The following CD247 variants were observed in gnomAD, a reference collection of about 807,000 sequenced individuals.
CD247 encodes CD247 molecule, also known as T-cell surface glycoprotein CD3 zeta chain.
A neutral mutation model predicts 30.0 loss-of-function variants in CD247; 13 were observed. That is an observed-to-expected ratio of 0.43 (90% confidence interval 0.28 to 0.69). The LOEUF is 0.69. CD247 is among the 30% of genes least tolerant of loss of function. The pLI is 0.16. For synonymous variants in CD247, 72 were observed against 80.0 expected (o/e 0.90, Z 0.53); for missense variants, 193 against 212.6 (o/e 0.91, Z 0.57).
chr1:167,439,294 G>A, intron 3 of CD247, 50 bp downstream of exon 3: 3 of 1,550,650 alleles, frequency 1.9e-6, no homozygotes, highest in East Asian at 4.5e-5. Context: ...CTAGGTCCGA[G>A]GAGGAGGCTG....
At chr1:167,511,039 G>T (rs1408881796) in intron 1 of CD247, among the ~76,000 whole-genome samples, 1 of 152,174 alleles carries the variant, frequency 6.6e-6, no homozygotes, top group African/African-American at 2.4e-5. Context: ...AACAGCACAA[G>T]GATTTGCACT....
At chr1:167,467,183 G>T (rs1045806332) in intron 1 of CD247, among the ~76,000 whole-genome samples, 4 of 152,184 alleles carry the variant, frequency 2.6e-5, no homozygotes, top group Non-Finnish European at 5.9e-5. Context: ...GGCAACGGAA[G>T]ATTTATTACA....
chr1:167,500,553 C>A (rs1393712632), intron 1 of CD247, among the ~76,000 whole-genome samples: 1 of 152,192 alleles, frequency 6.6e-6, no homozygotes, highest in East Asian at 1.9e-4. Flanking sequence ...GCACTGACAT[C>A]AATTCTAACA....
chr1:167,460,817 G>C (rs1400156562), intron 1 of CD247, among the ~76,000 whole-genome samples: 3 of 152,084 alleles, frequency 2.0e-5, no homozygotes, highest in African/African-American at 7.2e-5. Context: ...TCAACTCTCG[G>C]GGAGTTATCT....
chr1:167,430,884 C>T lies in CD247; in HGVS notation c.*797G>A, dbSNP rs951858519. 14 of 398,670 alleles carry T rather than the reference C, an allele frequency of 3.5e-5. No individual in the cohort carries two copies. Among genetic ancestry groups the T allele is most frequent in the African/African-American group, 2.1e-4 (10 of 48,638 alleles). 24.7% of individuals were successfully genotyped at this position (398,670 alleles called of 1,614,324 possible). On this transcript the variant is annotated 3_prime_UTR_variant, in exon 8 of 8. Coordinates refer to ENST00000362089, the MANE Select transcript of CD247 (RefSeq NM_198053.3). The stretch of plus-strand genomic sequence containing the variant: ...CCTTCACAAAGATGATTTTGTCATT[C>T]GCTGAAAGCGTGAAGTGAATCAACG...
Position 167,500,591 on chromosome 1 carries a change from C to G in CD247, c.58+17817G>C, listed in dbSNP as rs555309522. 3.1e-3 allele frequency among the ~76,000 whole-genome samples: 474 copies of G among 152,304 alleles called. 1 individual carries two copies. Among genetic ancestry groups the G allele is most frequent in the Non-Finnish European group, 5.5e-3 (377 of 68,018 alleles). ...CATGGTTTCTTATAATTACCACCCC[C>G]CTACACACACACCCATTTATGCAGG... On this transcript the variant is annotated intron_variant, in intron 1 of 7. Transcript: ENST00000362089.
chr1:167,480,578 A>T lies in CD247; in HGVS notation c.58+37830T>A, dbSNP rs150947730. ...AAACTTCAGGCTGTGGAGCATGTAAACAAGAGTGACTGTGGGATATCCTGC... is the reference window on the plus strand; with the variant it reads ...AAACTTCAGGCTGTGGAGCATGTAATCAAGAGTGACTGTGGGATATCCTGC... On this transcript the variant is annotated intron_variant, in intron 1 of 7. Transcript: ENST00000362089. Among the ~76,000 whole-genome samples, 193 of 152,326 alleles carry T rather than the reference A, an allele frequency of 1.3e-3. 1 individual carries two copies. The highest frequency in any genetic ancestry group is 4.6e-3 in the African/African-American group (190 of 41,572).
At chr1:167,462,216 T>C (rs1468139600) in intron 1 of CD247, among the ~76,000 whole-genome samples, 2 of 152,184 alleles carry the variant, frequency 1.3e-5, no homozygotes, top group Non-Finnish European at 2.9e-5. Context: ...AGATTCTCCT[T>C]TGATATTCTA....
chr1:167,516,800 G>A (rs1373901060), intron 1 of CD247, among the ~76,000 whole-genome samples: 1 of 152,114 alleles, frequency 6.6e-6, no homozygotes, highest in Non-Finnish European at 1.5e-5. Flanking sequence ...AATGAGGCAC[G>A]GCCCCCATCT....
chr1:167,449,157 T>TTTTCTTTTTTTC (rs1558000445), intron 1 of CD247, among the ~76,000 whole-genome samples: 1 of 23,576 alleles, frequency 4.2e-5, no homozygotes, highest in Non-Finnish European at 7.2e-5. Context: ...TTCTTTTTTT[T>TTTTCTTTTTTTC]TTTTTTTTTT....
chr1:167,442,330 G>A (rs532619929), intron 1 of CD247, among the ~76,000 whole-genome samples: 24 of 152,278 alleles, frequency 1.6e-4, no homozygotes, highest in African/African-American at 5.8e-4. Context: ...AGGCCTGGGC[G>A]CCCTCTGGTG....
intron 1 of CD247, among the ~76,000 whole-genome samples, chr1:167,444,944 T>A (rs1651999792): frequency 6.6e-6 from 1 of 151,766 alleles, no homozygotes; most frequent in Admixed American, 6.6e-5. Flanking sequence ...TTTTTTTTTT[T>A]AAGTGGAGTC....
chr1:167,490,077 G>T (rs999391040), intron 1 of CD247, among the ~76,000 whole-genome samples: 1 of 150,094 alleles, frequency 6.7e-6, no homozygotes, highest in Admixed American at 6.7e-5. Context: ...TCATCTTTGT[G>T]TCCTTGCTAG....
intron 1 of CD247, among the ~76,000 whole-genome samples, chr1:167,515,671 C>T (rs1655574256): frequency 6.6e-6 from 1 of 152,256 alleles, no homozygotes. Flanking sequence ...GGGCCTACCT[C>T]TGCAATCATT....
rs1186462710 is a variant in CD247 at position 167,433,052 on chromosome 1, C to T, written c.401G>A (p.Arg134Lys). The T allele has an allele frequency of 5.6e-6, 9 of 1,614,104 alleles. No individual in the cohort carries two copies. Among genetic ancestry groups the T allele is most frequent in the East Asian group, 2.2e-5 (1 of 44,900 alleles). ...SEIGMKGERR[R>K]GKGHDGLYQG... ...GTAAAGGCCATCGTGCCCCTTGCCC[C>T]TCCGGCGCTGGTTGTTTGGGAGTGA... Residue 134 changes from arginine (R) to lysine (K), a missense_variant, in exon 7 of 8, where the codon AGG (arginine) becomes AAG (lysine). Physicochemically the swap from Arg to Lys is conservative, Grantham distance 26. Transcript: ENST00000362089.
intron 1 of CD247, among the ~76,000 whole-genome samples, chr1:167,499,737 T>C (rs915436018): frequency 6.6e-6 from 1 of 152,190 alleles, no homozygotes; most frequent in Non-Finnish European, 1.5e-5. Flanking sequence ...CCTGCCCACA[T>C]GTAACTGTGC....
At chr1:167,487,243 G>T (rs1032556594) in intron 1 of CD247, among the ~76,000 whole-genome samples, 16 of 151,888 alleles carry the variant, frequency 1.1e-4, no homozygotes, top group Admixed American at 2.0e-4. Flanking sequence ...CAGGCATGGT[G>T]GTGGGCGCCT....
chr1:167,513,553 C>CT (rs1030531879), intron 1 of CD247, among the ~76,000 whole-genome samples: 14 of 151,976 alleles, frequency 9.2e-5, no homozygotes, highest in Non-Finnish European at 1.9e-4. Context: ...AAGTATCTTG[C>CT]TTTTTTTTCT....
At chr1:167,503,662 G>C (rs953738863) in intron 1 of CD247, among the ~76,000 whole-genome samples, 1 of 152,124 alleles carries the variant, frequency 6.6e-6, no homozygotes, top group Non-Finnish European at 1.5e-5. Context: ...GAGTGCCTTT[G>C]TTATAAACGT....
Sources: allele counts gnomAD v4.1 joint callset (sites outside exome capture counted in the v4.1 genomes callset), GRCh38; gene constraint gnomAD v4.1.1; transcripts MANE v1.5; gene names NCBI Gene and HGNC (gene_info 2026-07-23, HGNC 2026-07-21).